The following HPCAL1 variants were observed in gnomAD, a reference collection of about 807,000 sequenced individuals.
The protein encoded by HPCAL1 is hippocalcin like 1.
In HPCAL1, 8 loss-of-function variants were observed where a neutral mutation model predicts 17.1. The ratio of observed to expected loss-of-function variants is 0.47; its 90% CI spans 0.27 to 0.84. The LOEUF is 0.84. Ranked by LOEUF, HPCAL1 falls within the 40% of genes least tolerant of loss-of-function variation. The pLI is 0.13. For missense variants in HPCAL1, 165 were observed against 271.1 expected, an observed-to-expected ratio of 0.61 and a Z score of 2.75; for synonymous variants, 112 against 111.4, an observed-to-expected ratio of 1.01 and a Z score of -0.03.
At chr2:10,335,380 C>T (rs1312234014) in intron 1 of HPCAL1, among the ~76,000 whole-genome samples, 1 of 152,158 alleles carries the variant, frequency 6.6e-6, no homozygotes, top group Non-Finnish European at 1.5e-5. Context: ...CCAAGGCCTG[C>T]CAACAGCCAT....
rs1323455975 is a variant in HPCAL1, at chr2:10,426,943, G to A, written c.*122G>A. The A allele has an allele frequency of 6.9e-5, 61 of 884,730 alleles. No individual in the cohort carries two copies. Among genetic ancestry groups the A allele is most frequent in the Non-Finnish European group, 9.9e-5 (55 of 555,678 alleles). 54.8% of individuals were successfully genotyped at this position (884,730 alleles called of 1,614,324 possible). ...CCCGGGCCCCGGGCCTGGGGCATGC[G>A]TTGCACCTGCCCAGCCCGGTGGCTG... On this transcript the variant is annotated 3_prime_UTR_variant, in exon 5 of 5. Transcript: ENST00000307845.
rs1025846420 is a variant in HPCAL1, at chr2:10,330,945, G to A, written c.-111+27768G>A. ...CTGGGGGTGCAGCAAGCCCACCCCT[G>A]CATTCGGAGAGCCTTAGCGGGAAGC... On this transcript the variant is annotated intron_variant, in intron 1 of 4. Coordinates refer to ENST00000307845, the MANE Select transcript of HPCAL1 (RefSeq NM_002149.4). This position sits in a 1 kb window ranked among gnomAD's most constrained non-coding sequence, Gnocchi z 4.2. Among the ~76,000 whole-genome samples the A allele has an allele frequency of 6.6e-6, 1 of 152,194 alleles. No homozygotes were observed. The highest frequency in any genetic ancestry group is 6.5e-5 in the Admixed American group (1 of 15,282).
At chr2:10,412,980 T>G (rs1046693010) in intron 2 of HPCAL1, among the ~76,000 whole-genome samples, 1 of 152,256 alleles carries the variant, frequency 6.6e-6, no homozygotes, top group Non-Finnish European at 1.5e-5. Context: ...GTACTATTTT[T>G]GGGTCCCTAC....
chr2:10,308,075 A>G (rs1402189209), intron 1 of HPCAL1, among the ~76,000 whole-genome samples: 2 of 152,050 alleles, frequency 1.3e-5, no homozygotes, highest in African/African-American at 4.8e-5. Context: ...GGGAGCGTGA[A>G]GTGCTATGGA....
Position 10,323,975 on chromosome 2 carries a change from T to C in HPCAL1, c.-111+20798T>C, listed in dbSNP as rs142636520. On this transcript the variant is annotated intron_variant, in intron 1 of 4. Transcript: ENST00000307845. The surrounding 1 kb of genome is among the most constrained non-coding windows in gnomAD (Gnocchi z 4.6). ...CTTCACCATGCAAAAGCTCTTGTCA[T>C]TTCAGAAAAGGAAGGAGAATTAAGT... Among the ~76,000 whole-genome samples the C allele has an allele frequency of 5.6e-4, 86 of 152,354 alleles. No homozygotes were observed. Among genetic ancestry groups the C allele is most frequent in the African/African-American group, 2.0e-3 (85 of 41,576 alleles).
chr2:10,417,867 C>A (rs1402065233), intron 2 of HPCAL1, among the ~76,000 whole-genome samples: 1 of 151,102 alleles, frequency 6.6e-6, no homozygotes, highest in Non-Finnish European at 1.5e-5. Context: ...AATAGTGAGG[C>A]CCTGTTTCTA....
rs1308420773 is a variant in HPCAL1 at position 10,323,115 on chromosome 2, C to A, written c.-111+19938C>A. 6.6e-6 allele frequency among the ~76,000 whole-genome samples: 1 copy of A among 152,192 alleles called. No individual in the cohort carries two copies. The highest frequency in any genetic ancestry group is 1.5e-5 in the Non-Finnish European group (1 of 68,038). On this transcript the variant is annotated intron_variant, in intron 1 of 4. Transcript: ENST00000307845. This position sits in a 1 kb window ranked among gnomAD's most constrained non-coding sequence, Gnocchi z 4.6. ...CACCATGACTGTGCTGCAGCCACCA[C>A]CACTGGCCGCTTCATGGCATGTTTC...
intron 1 of HPCAL1, among the ~76,000 whole-genome samples, chr2:10,326,010 G>A (rs890478151): frequency 3.3e-5 from 5 of 152,246 alleles, no homozygotes; most frequent in African/African-American, 1.2e-4. Flanking sequence ...CAGTCATGGA[G>A]TGTTTGCTTG....
At position 10,342,782 on chromosome 2, in the gene HPCAL1, C is replaced by T. The variant is rs1039572407; in HGVS notation, c.-111+39605C>T. On this transcript the variant is annotated intron_variant, in intron 1 of 4. Coordinates refer to ENST00000307845, the MANE Select transcript of HPCAL1 (RefSeq NM_002149.4). The surrounding 1 kb of genome is among the most constrained non-coding windows in gnomAD (Gnocchi z 4.1). ...GTTCCCGGTTGGGCCAGCTGCCCTC[C>T]AGTAGCTACGCAGGATGCTCTGGCC... 7.9e-5 allele frequency among the ~76,000 whole-genome samples: 12 copies of T among 152,200 alleles called. 1 individual carries two copies. Among genetic ancestry groups the T allele is most frequent in the African/African-American group, 2.9e-4 (12 of 41,458 alleles).
intron 1 of HPCAL1, among the ~76,000 whole-genome samples, chr2:10,373,810 C>T (rs533063919): frequency 2.0e-5 from 3 of 152,228 alleles, no homozygotes; most frequent in Admixed American, 6.5e-5. Flanking sequence ...GGCTCAGCCC[C>T]CACACTGGGA....
chr2:10,338,428 A>G (rs955029594), intron 1 of HPCAL1, among the ~76,000 whole-genome samples: 19 of 152,198 alleles, frequency 1.2e-4, no homozygotes, highest in Non-Finnish European at 2.6e-4. Flanking sequence ...AATAGATTGC[A>G]TAACCTCGTT....
chr2:10,364,497 G>C (rs1572723955), intron 1 of HPCAL1, among the ~76,000 whole-genome samples: 1 of 152,208 alleles, frequency 6.6e-6, no homozygotes, highest in East Asian at 1.9e-4. Context: ...CGGGTGTCCC[G>C]GGGGAGACTC....
At position 10,394,404 on chromosome 2, in the gene HPCAL1, T is replaced by C. The variant is rs1021425875; in HGVS notation, c.-110-2431T>C. 9.2e-5 allele frequency among the ~76,000 whole-genome samples: 14 copies of C among 152,188 alleles called. No homozygotes were observed. Among genetic ancestry groups the C allele is most frequent in the African/African-American group, 3.4e-4 (14 of 41,434 alleles). On this transcript the variant is annotated intron_variant, in intron 1 of 4. Coordinates refer to ENST00000307845, the MANE Select transcript of HPCAL1 (RefSeq NM_002149.4). This position sits in a 1 kb window ranked among gnomAD's most constrained non-coding sequence, Gnocchi z 5.0. ...GCCCTTGACCCTGTCCAGGTCTTGA[T>C]TTCTCGGAGTGTCAAAGCAGTGCGC...
At chr2:10,308,960 A>G (rs1662790347) in intron 1 of HPCAL1, among the ~76,000 whole-genome samples, 1 of 152,112 alleles carries the variant, frequency 6.6e-6, no homozygotes, top group Non-Finnish European at 1.5e-5. Context: ...TCCAGCTACT[A>G]GGGGGTGCTG....
chr2:10,307,559 T>C (rs1226667280), intron 1 of HPCAL1, among the ~76,000 whole-genome samples: 1 of 152,120 alleles, frequency 6.6e-6, no homozygotes, highest in African/African-American at 2.4e-5. Flanking sequence ...CGAGGACACA[T>C]CTCCCTCACT....
At chr2:10,412,672 A>G (rs1006406872) in intron 2 of HPCAL1, among the ~76,000 whole-genome samples, 1 of 152,322 alleles carries the variant, frequency 6.6e-6, no homozygotes, top group Middle Eastern at 3.4e-3. Context: ...AGAAGAGCAC[A>G]TGGTCTCGGC....
At chr2:10,309,389 C>T (rs571823826) in intron 1 of HPCAL1, among the ~76,000 whole-genome samples, 19 of 152,316 alleles carry the variant, frequency 1.2e-4, no homozygotes, top group Admixed American at 7.8e-4. Flanking sequence ...ATAAGTAGCC[C>T]AAGGGCATCA....
At chr2:10,381,510 A>G (rs370939334) in intron 1 of HPCAL1, among the ~76,000 whole-genome samples, 3 of 152,334 alleles carry the variant, frequency 2.0e-5, no homozygotes, top group African/African-American at 7.2e-5. Flanking sequence ...GCAGGACTAC[A>G]GGGACAATGT....
At chr2:10,387,565 A>G (rs553822851) in intron 1 of HPCAL1, among the ~76,000 whole-genome samples, 2 of 152,312 alleles carry the variant, frequency 1.3e-5, no homozygotes, top group South Asian at 4.1e-4. Flanking sequence ...TCCAAACTGC[A>G]TTCCTGTTGG....
Sources: gnomAD v4.1 joint callset for allele counts (sites outside exome capture counted in the v4.1 genomes callset) on GRCh38, gnomAD v4.1.1 for gene constraint, Gnocchi (gnomAD v3.1) non-coding constraint, MANE v1.5 for transcripts, NCBI Gene and HGNC (gene_info 2026-07-23, HGNC 2026-07-21) for gene names.